Variants in COL4A6 observed in about 807,000 individuals in gnomAD.
COL4A6 encodes collagen alpha-6(IV) chain.
In COL4A6, 59 loss-of-function variants were observed where a neutral mutation model predicts 126.7. The ratio of observed to expected loss-of-function variants is 0.47; its 90% CI spans 0.38 to 0.58. COL4A6 has a LOEUF of 0.58. Ranked by LOEUF, COL4A6 falls within the 20% of genes least tolerant of loss-of-function variation. The probability of loss-of-function intolerance (pLI) is 0.00; values close to 1 mark genes in which losing one functional copy is unlikely to be tolerated. For synonymous variants in COL4A6, 547 were observed against 496.6 expected, an observed-to-expected ratio of 1.10 and a Z score of -1.35; for missense variants, 1,285 against 1,337.3, an observed-to-expected ratio of 0.96 and a Z score of 0.61.
chrX:108,306,423 G>T (rs2038627569), intron 3 of COL4A6, among the ~76,000 whole-genome samples: 1 of 111,485 alleles, frequency 9.0e-6, no homozygotes, highest in Non-Finnish European at 1.9e-5. Context: ...AAAGACATTG[G>T]TGTGTGTTGT....
chrX:108,261,331 C>T (rs1051905211), intron 3 of COL4A6, among the ~76,000 whole-genome samples: 3 of 111,522 alleles, frequency 2.7e-5, no homozygotes, highest in Admixed American at 9.5e-5. Context: ...TGTTACTGCC[C>T]TAGAAAGCAT....
At chrX:108,337,949 A>T in intron 2 of COL4A6, among the ~76,000 whole-genome samples, 1 of 111,467 alleles carries the variant, frequency 9.0e-6, no homozygotes, top group African/African-American at 3.3e-5. Context: ...CTTAATAATC[A>T]ATTCCAGGAA....
chrX:108,410,486 T>C (rs1364833121), intron 2 of COL4A6, among the ~76,000 whole-genome samples: 1 of 111,323 alleles, frequency 9.0e-6, no homozygotes, highest in African/African-American at 3.3e-5. Context: ...TGATGTACAC[T>C]TTTCTAAATT....
chrX:108,424,889 G>A (rs868104129), intron 2 of COL4A6, among the ~76,000 whole-genome samples: 40 of 110,042 alleles, frequency 3.6e-4, no homozygotes, highest in African/African-American at 1.2e-3. Context: ...GACCACACCT[G>A]TAGTCCCAGC....
chrX:108,204,603 T>C (rs780136781), intron 11 of COL4A6, 191 bp from the exon 12 acceptor site: 3 of 523,885 alleles, frequency 5.7e-6, no homozygotes, highest in Non-Finnish European at 1.0e-5. Context: ...GACCAGTGAA[T>C]TTTGTACCAG....
At chrX:108,259,945 A>G (rs374136380) in intron 3 of COL4A6, among the ~76,000 whole-genome samples, 1 of 15,371 alleles carries the variant, frequency 6.5e-5, no homozygotes, top group African/African-American at 7.4e-5. Flanking sequence ...GAACTGAATC[A>G]TACTAATTAG....
At chrX:108,204,193 T>C (rs1235010865) in intron 12 of COL4A6, 127 bp downstream of exon 12, 1 of 467,168 alleles carries the variant, frequency 2.1e-6, no homozygotes, top group African/African-American at 2.5e-5. Flanking sequence ...CTCTCACTTC[T>C]AAACAAAAAT....
chrX:108,284,959 T>G (rs2037967289), intron 3 of COL4A6, among the ~76,000 whole-genome samples: 1 of 112,061 alleles, frequency 8.9e-6, no homozygotes, highest in South Asian at 3.7e-4. Flanking sequence ...ACAGGTTATC[T>G]TCCCTTTACC....
chrX:108,292,338 A>G (rs2038183108), intron 3 of COL4A6, among the ~76,000 whole-genome samples: 2 of 112,360 alleles, frequency 1.8e-5, no homozygotes, highest in African/African-American at 6.5e-5. Flanking sequence ...GGTTTTCAAC[A>G]CATGCTTTCT....
Position 108,191,442 on chromosome X carries a change from G to T in COL4A6, c.1272C>A (p.Leu424=), listed in dbSNP as rs1339053260. 1 of 1,209,641 alleles carries T rather than the reference G, an allele frequency of 8.3e-7. No individual in the cohort carries two copies. Among genetic ancestry groups the T allele is most frequent in the Non-Finnish European group, 1.1e-6 (1 of 895,049 alleles). The part of the protein sequence containing the change: ...PGRTTIGAAG[L]PGRDGLPGPP... ...GGCCTGGCAAACCATCTCTGCCAGG[G>T]AGGCCAGCTGCTCCAATTGTGGTAC... Residue 424 remains leucine, a synonymous_variant, in exon 19 of 45, where the codon CTC becomes CTA. Coordinates refer to ENST00000334504, the MANE Select transcript of COL4A6 (RefSeq NM_033641.4).
At chrX:108,157,876 C>T (rs1344540236) in intron 44 of COL4A6, among the ~76,000 whole-genome samples, 1 of 111,904 alleles carries the variant, frequency 8.9e-6, no homozygotes, top group African/African-American at 3.3e-5. Flanking sequence ...GCTCCTGTCT[C>T]TCCACACTCC....
chrX:108,297,617 G>A lies in COL4A6; in HGVS notation c.144+13131C>T, dbSNP rs762426963. Among the ~76,000 whole-genome samples, 8 of 110,667 alleles carry A rather than the reference G, an allele frequency of 7.2e-5. No individual in the cohort carries two copies. In the East Asian group the frequency reaches 2.3e-3, roughly 32 times the overall value. On this transcript the variant is annotated intron_variant, in intron 3 of 44. Coordinates refer to ENST00000334504, the MANE Select transcript of COL4A6 (RefSeq NM_033641.4). ...ACACATCTAGTAAATGATAGAACCA[G>A]GGCTTAAAAGATTAGCTATCTGACT...
chrX:108,222,392 C>T (rs2036043248), intron 3 of COL4A6, among the ~76,000 whole-genome samples: 2 of 112,385 alleles, frequency 1.8e-5, no homozygotes, highest in African/African-American at 6.5e-5. Flanking sequence ...TACTGACTGT[C>T]CATCATTTCC....
chrX:108,224,311 C>G (rs758529413), intron 3 of COL4A6, among the ~76,000 whole-genome samples: 2 of 112,090 alleles, frequency 1.8e-5, no homozygotes, highest in South Asian at 7.6e-4. Flanking sequence ...AAGGAACTCT[C>G]CTAAAGAACT....
At chrX:108,258,817 T>G (rs1290632958) in intron 3 of COL4A6, among the ~76,000 whole-genome samples, 1 of 111,624 alleles carries the variant, frequency 9.0e-6, no homozygotes, top group Non-Finnish European at 1.9e-5. Context: ...ACTTTAGAAA[T>G]CACTTAACAT....
intron 2 of COL4A6, among the ~76,000 whole-genome samples, chrX:108,377,876 A>G (rs1488629869): frequency 1.1e-5 from 1 of 93,946 alleles, no homozygotes; most frequent in Non-Finnish European, 2.0e-5. Flanking sequence ...CGGGAGGCGG[A>G]GCTTGCAGTG....
intron 2 of COL4A6, among the ~76,000 whole-genome samples, chrX:108,366,465 T>C (rs1039981190): frequency 8.9e-6 from 1 of 112,175 alleles, no homozygotes; most frequent in Non-Finnish European, 1.9e-5. Context: ...CAGCTCATTA[T>C]CTGGTTAAGG....
intron 3 of COL4A6, 30 bp downstream of exon 3, chrX:108,310,718 T>C (rs1236620206): frequency 8.6e-7 from 1 of 1,156,281 alleles, no homozygotes; most frequent in Admixed American, 2.2e-5. Context: ...TGCCACTATT[T>C]GTCTTTCAAC....
chrX:108,427,447 A>AT (rs1401929306), intron 2 of COL4A6, among the ~76,000 whole-genome samples: 3 of 112,285 alleles, frequency 2.7e-5, no homozygotes, highest in African/African-American at 9.7e-5. Context: ...GAGAAGAACA[A>AT]TATGTCCATC....
Sources: allele counts gnomAD v4.1 joint callset (sites outside exome capture counted in the v4.1 genomes callset), GRCh38; gene constraint gnomAD v4.1.1; transcripts MANE v1.5; gene names NCBI Gene and HGNC (gene_info 2026-07-23, HGNC 2026-07-21).